The following PTPRE variants were observed in gnomAD, a reference collection of about 807,000 sequenced individuals.
The protein encoded by PTPRE is protein tyrosine phosphatase receptor type E, also known as receptor-type tyrosine-protein phosphatase epsilon.
PTPRE carries 51 observed loss-of-function variants against 102.0 expected under a neutral mutation model. That is an observed-to-expected ratio of 0.50 (90% CI 0.40 to 0.63). The LOEUF (loss-of-function observed/expected upper bound fraction) is 0.63, where lower values mean the gene tolerates loss of function less well. Ranked by LOEUF, PTPRE falls within the 30% of genes least tolerant of loss-of-function variation. PTPRE has a pLI of 0.00. For synonymous variants in PTPRE, 345 were observed against 348.2 expected, an observed-to-expected ratio of 0.99 and a Z score of 0.10; for missense variants, 752 against 915.1, an observed-to-expected ratio of 0.82 and a Z score of 2.30.
intron 2 of PTPRE, among the ~76,000 whole-genome samples, chr10:128,036,953 G>A (rs111975185): frequency 1.0e-3 from 159 of 152,316 alleles, no homozygotes; most frequent in African/African-American, 3.6e-3. Flanking sequence ...AGGAGCTGAC[G>A]CGCAGCATCC....
At chr10:127,963,316 G>C (rs1321089409) in intron 1 of PTPRE, among the ~76,000 whole-genome samples, 1 of 152,126 alleles carries the variant, frequency 6.6e-6, no homozygotes, top group Non-Finnish European at 1.5e-5. Context: ...TCCCTCTCCT[G>C]TCAGCCAAGG....
intron 2 of PTPRE, among the ~76,000 whole-genome samples, chr10:127,995,993 TG>T (rs989909885): frequency 1.3e-5 from 2 of 152,238 alleles, no homozygotes; most frequent in African/African-American, 4.8e-5. Flanking sequence ...CTGTCTTAGA[TG>T]CCAGCCTTGG....
At chr10:127,994,052 A>G (rs570700588) in intron 2 of PTPRE, among the ~76,000 whole-genome samples, 124 of 152,310 alleles carry the variant, frequency 8.1e-4, no homozygotes, top group Non-Finnish European at 1.4e-3. Flanking sequence ...CTCACAAAAC[A>G]CAAGTTCAGA....
At chr10:127,914,572 C>A (rs968906509) in intron 1 of PTPRE, among the ~76,000 whole-genome samples, 1 of 152,218 alleles carries the variant, frequency 6.6e-6, no homozygotes, top group Admixed American at 6.5e-5. Flanking sequence ...CAAAGTAAAT[C>A]CTCCCTATGG....
intron 2 of PTPRE, among the ~76,000 whole-genome samples, chr10:128,035,513 C>T (rs1847140109): frequency 6.6e-6 from 1 of 152,200 alleles, no homozygotes; most frequent in Non-Finnish European, 1.5e-5. Context: ...TCCAGGGGCT[C>T]TCTTTAAGTG....
intron 2 of PTPRE, among the ~76,000 whole-genome samples, chr10:127,986,719 T>A (rs1368190855): frequency 3.9e-5 from 6 of 152,192 alleles, no homozygotes; most frequent in African/African-American, 1.4e-4. Flanking sequence ...AAAAAATCTG[T>A]TCGTTTTAAA....
At chr10:127,992,507 A>T (rs1222239354) in intron 2 of PTPRE, among the ~76,000 whole-genome samples, 1 of 152,170 alleles carries the variant, frequency 6.6e-6, no homozygotes, top group Non-Finnish European at 1.5e-5. Flanking sequence ...CTTGGGCCTC[A>T]GCTCGGGGCT....
At chr10:128,055,501 G>A (rs1458669786) in intron 6 of PTPRE, among the ~76,000 whole-genome samples, 3 of 152,116 alleles carry the variant, frequency 2.0e-5, no homozygotes, top group African/African-American at 4.8e-5. Flanking sequence ...GGTAATGTTC[G>A]TGCTGATTCT....
intron 1 of PTPRE, among the ~76,000 whole-genome samples, chr10:127,922,112 TA>T (rs1441915767): frequency 6.6e-6 from 1 of 152,226 alleles, no homozygotes; most frequent in Non-Finnish European, 1.5e-5. Context: ...GCTAACTAAA[TA>T]AACAAGTTGC....
At chr10:128,036,687 A>G (rs1847247533) in intron 2 of PTPRE, among the ~76,000 whole-genome samples, 1 of 151,830 alleles carries the variant, frequency 6.6e-6, no homozygotes, top group Non-Finnish European at 1.5e-5. Context: ...ACTGACCACC[A>G]CTGCCAGGGA....
intron 2 of PTPRE, among the ~76,000 whole-genome samples, chr10:127,996,418 G>C (rs1853270630): frequency 6.6e-6 from 1 of 152,244 alleles, no homozygotes; most frequent in Non-Finnish European, 1.5e-5. Flanking sequence ...AAAGAAGGCA[G>C]TGGTGCCATT....
At chr10:128,079,742 CATGTTGTATTTG>C (rs771797621) in intron 20 of PTPRE, 47 bp downstream of exon 20, 1 of 1,574,652 alleles carries the variant, frequency 6.4e-7, no homozygotes. Flanking sequence ...AGAATTATTT[CATGTTGTATTTG>C]ATGTATGTTT....
intron 15 of PTPRE, 37 bp from the exon 16 acceptor site, chr10:128,072,101 C>G (rs766366971): frequency 6.3e-7 from 1 of 1,588,900 alleles, no homozygotes; most frequent in East Asian, 2.2e-5. Flanking sequence ...AGGTGGGACC[C>G]TTTTTGTAAT....
chr10:128,018,016 G>T (rs116704641), intron 2 of PTPRE, among the ~76,000 whole-genome samples: 3,191 of 152,294 alleles, frequency 0.021, 112 homozygotes, highest in African/African-American at 0.072. Context: ...ACACAGGAGG[G>T]TCTGGCACAA....
intron 1 of PTPRE, among the ~76,000 whole-genome samples, chr10:127,921,856 G>A (rs1190117512): frequency 6.6e-6 from 1 of 152,224 alleles, no homozygotes; most frequent in Non-Finnish European, 1.5e-5. Flanking sequence ...TCAATGCAGA[G>A]GGCAGGAGGG....
intron 17 of PTPRE, 49 bp downstream of exon 17, chr10:128,073,520 G>A (rs757811954): frequency 3.1e-5 from 49 of 1,592,470 alleles, no homozygotes; most frequent in African/African-American, 1.3e-5. Context: ...CTGTGCACCT[G>A]AGGCACTGTC....
Position 128,040,842 on chromosome 10 carries a change from A to G in PTPRE, c.-7-33A>G, listed in dbSNP as rs371474905. On this transcript the variant is annotated intron_variant, in intron 2 of 20. Transcript: ENST00000254667. Reference sequence around the variant, plus strand: ...CGGAGGGTCCCACAGCTGCTGCTGGATGACCTCTGAGCCTGTCCCTGCCTC... The same window carrying G: ...CGGAGGGTCCCACAGCTGCTGCTGGGTGACCTCTGAGCCTGTCCCTGCCTC... The G allele has an allele frequency of 6.4e-4, 996 of 1,565,118 alleles. 14 individuals carry two copies. The South Asian group carries it at 0.011, about 17-fold the overall frequency.
intron 7 of PTPRE, 24 bp from the exon 8 acceptor site, chr10:128,060,910 TCTTGG>T (rs758539467): frequency 1.9e-6 from 3 of 1,600,856 alleles, no homozygotes; most frequent in African/African-American, 2.7e-5. Flanking sequence ...GGTCCTAATA[TCTTGG>T]CTTTGTTTGG....
At chr10:127,975,699 C>T (rs563761987) in intron 1 of PTPRE, among the ~76,000 whole-genome samples, 1 of 152,304 alleles carries the variant, frequency 6.6e-6, no homozygotes, top group South Asian at 2.1e-4. Flanking sequence ...CAGGAATTAG[C>T]TCAAGAAAAA....
Sources: gnomAD v4.1 joint callset for allele counts (sites outside exome capture counted in the v4.1 genomes callset) on GRCh38, gnomAD v4.1.1 for gene constraint, MANE v1.5 for transcripts, NCBI Gene and HGNC (gene_info 2026-07-23, HGNC 2026-07-21) for gene names.